The following GFUS variants were observed in gnomAD, a reference collection of about 807,000 sequenced individuals.
The protein encoded by GFUS is 3-5 epimerase/4-reductase.
Under a neutral mutation model 41.5 loss-of-function variants are expected in GFUS, and 42 were observed. That is an observed-to-expected ratio of 1.01 (90% CI 0.79 to 1.31). GFUS has a LOEUF of 1.31. Among genes scored for constraint, GFUS ranks in the 50% most tolerant of loss-of-function variants. The pLI is 0.00. For missense variants in GFUS, 437 were observed against 428.7 expected (o/e 1.02, Z -0.17); for synonymous variants, 188 against 173.4 (o/e 1.08, Z -0.66).
At chr8:143,615,039 C>T in intron 3 of GFUS, 124 bp from the exon 4 acceptor site, 2 of 1,424,036 alleles carry the variant, frequency 1.4e-6, no homozygotes, top group South Asian at 1.5e-5. Context: ...CCAAGCCTGC[C>T]CATCCTAACC....
chr8:143,615,911 G>T lies in GFUS; in HGVS notation c.261+195C>A, dbSNP rs537921119. On this transcript the variant is annotated intron_variant, in intron 3 of 10. Transcript: ENST00000425753. ...CAAGTGCCTCCAGGCCCCCTGCATG[G>T]CCCTCTGTCCACAGCACCAAGTGTG... is the stretch of plus-strand genomic sequence containing the variant. The T allele has an allele frequency of 3.0e-5, 15 of 497,194 alleles. No individual in the cohort carries two copies. The East Asian group carries it at 4.5e-4, about 15-fold the overall frequency. The allele number at this position is 497,194 out of a possible 1,614,324, so 30.8% of individuals were successfully genotyped here.
rs1214157528 is a variant in GFUS, at chr8:143,614,204, C to G, written c.623G>C (p.Trp208Ser). Reference protein sequence around the residue: ...AKSSGSALTVWGTGNPRRQFI... With the variant: ...AKSSGSALTVSGTGNPRRQFI... Reference sequence around the variant, plus strand: ...CTGCCTCCGCGGATTCCCTGTACCCCACACCGTCAGGGCCGAGCCGCTGCC... The same window carrying G: ...CTGCCTCCGCGGATTCCCTGTACCCGACACCGTCAGGGCCGAGCCGCTGCC... Residue 208 changes from tryptophan (W) to serine (S), a missense_variant, in exon 7 of 11, where the codon TGG (tryptophan) becomes TCG (serine). Transcript: ENST00000425753. 1.9e-6 allele frequency: 3 copies of G among 1,613,590 alleles called. No individual in the cohort carries two copies. Among genetic ancestry groups the G allele is most frequent in the Non-Finnish European group, 2.5e-6 (3 of 1,180,016 alleles).
At chr8:143,613,152 G>A (rs1173462059) in intron 10 of GFUS, 44 bp downstream of exon 10, 1 of 1,584,964 alleles carries the variant, frequency 6.3e-7, no homozygotes, top group East Asian at 2.2e-5. Context: ...GGAGGGGCTG[G>A]GGCAGGCCTC....
chr8:143,612,761 C>G lies in GFUS; in HGVS notation c.*149G>C. ...TGAGGACCAACGTGAATGGGGGCCCCACTGGAAAGATGCTTGGGGCTGCAG... is the reference window on the plus strand; with the variant it reads ...TGAGGACCAACGTGAATGGGGGCCCGACTGGAAAGATGCTTGGGGCTGCAG... On this transcript the variant is annotated 3_prime_UTR_variant, in exon 11 of 11. Coordinates refer to ENST00000425753, the MANE Select transcript of GFUS (RefSeq NM_003313.4). 1 of 1,037,548 alleles carries G rather than the reference C, an allele frequency of 9.6e-7. No individual in the cohort carries two copies. The highest frequency in any genetic ancestry group is 2.3e-5 in the Admixed American group (1 of 44,196). 64.3% of individuals were successfully genotyped at this position (1,037,548 alleles called of 1,614,324 possible).
At chr8:143,613,899 C>T (rs1829647296) in intron 7 of GFUS, 82 bp from the exon 8 acceptor site, 3 of 1,440,218 alleles carry the variant, frequency 2.1e-6, no homozygotes, top group Non-Finnish European at 2.9e-6. Flanking sequence ...GTCCATACTG[C>T]TGTCCTTGTT....
At chr8:143,613,874 C>A in intron 7 of GFUS, 57 bp from the exon 8 acceptor site, 2 of 1,531,874 alleles carry the variant, frequency 1.3e-6, no homozygotes, top group South Asian at 1.2e-5. Context: ...CTCTCCCAAA[C>A]GCCCCTGCTG....
At chr8:143,614,126 C>A in intron 7 of GFUS, 38 bp downstream of exon 7, 2 of 1,610,080 alleles carry the variant, frequency 1.2e-6, no homozygotes, top group Non-Finnish European at 1.7e-6. Context: ...CTCAATAGGG[C>A]AGGTTCTCTG....
chr8:143,613,995 C>A (rs946789910), intron 7 of GFUS, among the ~76,000 whole-genome samples, 169 bp downstream of exon 7: 1 of 152,194 alleles, frequency 6.6e-6, no homozygotes, highest in Non-Finnish European at 1.5e-5. Context: ...GAGACAGGAG[C>A]CTATGGGGCC....
At chr8:143,614,494 C>T (rs746739387) in intron 5 of GFUS, 41 bp from the exon 6 acceptor site, 210 of 1,584,370 alleles carry the variant, frequency 1.3e-4, no homozygotes, top group Admixed American at 1.9e-4. Flanking sequence ...CCTGGGCCCG[C>T]GATCCCACCC....
In GFUS at chr8:143,614,807, A is replaced by G. The variant is rs1385040581; in HGVS notation, c.370T>C (p.Tyr124His). ...CTCACCATGGTCTCATCTATCGGGT[A>G]GGTCGTCTTGTCAGGGAAGATACAG... ...STCIFPDKTT[Y>H]PIDETMIHNG... Residue 124 changes from tyrosine to histidine, a missense_variant, in exon 4 of 11, where the codon TAC becomes CAC. Physicochemically the swap from Tyr to His is moderately conservative, Grantham distance 83. Transcript: ENST00000425753. 1.2e-6 allele frequency: 2 copies of G among 1,613,616 alleles called. No individual in the cohort carries two copies. The highest frequency in any genetic ancestry group is 2.2e-5 in the East Asian group (1 of 44,868).
intron 3 of GFUS, among the ~76,000 whole-genome samples, chr8:143,615,366 G>A (rs1224619904): frequency 6.6e-6 from 1 of 152,158 alleles, no homozygotes; most frequent in Non-Finnish European, 1.5e-5. Flanking sequence ...TCCACCCCGC[G>A]GGCCCCACTT....
In GFUS at chr8:143,613,388, C is replaced by G. The variant is rs1829627762; in HGVS notation, c.811-93G>C. ...ACCTCTGCCATTCCCAGGGGAGCCA[C>G]AGCAGAGCTCCTCCGCCTGCCAGGG... is the stretch of plus-strand genomic sequence containing the variant. On this transcript the variant is annotated intron_variant, in intron 9 of 10. Transcript: ENST00000425753. 4 of 1,489,108 alleles carry G rather than the reference C, an allele frequency of 2.7e-6. No individual in the cohort carries two copies. In the Admixed American group the frequency reaches 7.0e-5, roughly 26 times the overall value. 92.2% of individuals were successfully genotyped at this position (1,489,108 alleles called of 1,614,324 possible).
intron 1 of GFUS, chr8:143,617,048 G>A (rs545049195): frequency 1.1e-4 from 37 of 350,754 alleles, no homozygotes; most frequent in South Asian, 8.1e-4. Flanking sequence ...TTGGGACGGG[G>A]GCTCCTGGCA....
In GFUS at chr8:143,616,558, C is replaced by T. The variant is rs1161580554; in HGVS notation, c.146+9G>A. 3.1e-6 allele frequency: 5 copies of T among 1,613,796 alleles called. No individual in the cohort carries two copies. In the Admixed American group the frequency reaches 8.3e-5, roughly 27 times the overall value. On this transcript the variant is annotated intron_variant, in intron 2 of 10. Coordinates refer to ENST00000425753, the MANE Select transcript of GFUS (RefSeq NM_003313.4). ...GAGGAAGGGCTGATCTGGGGATGGGCTCACTCACGTGAGATCGGCGTCTTT... is the reference window on the plus strand; with the variant it reads ...GAGGAAGGGCTGATCTGGGGATGGGTTCACTCACGTGAGATCGGCGTCTTT...
At chr8:143,617,070 C>T (rs1829746315) in intron 1 of GFUS, 3 of 300,610 alleles carry the variant, frequency 1.0e-5, no homozygotes, top group South Asian at 4.5e-5. Context: ...AGGTCGTTAA[C>T]ACGGTTCGCA....
rs2131411790 is a variant in GFUS, at chr8:143,613,530, T to C, written c.804A>G (p.Glu268=). ...AVVEAMDFHG[E]VTFDTTKSDG... ...CACTGGAGCCAGAGGATACGGTGAC[T>C]TCCCCATGGAAGTCCATGGCCTCCA... is the stretch of plus-strand genomic sequence containing the variant. The change falls in exon 9 of 11, where the codon GAA becomes GAG. Residue 268 remains glutamate, a synonymous_variant. Transcript: ENST00000425753. 1 of 1,610,814 alleles carries C rather than the reference T, an allele frequency of 6.2e-7. No homozygotes were observed. Among genetic ancestry groups the C allele is most frequent in the Non-Finnish European group, 8.5e-7 (1 of 1,179,788 alleles).
chr8:143,614,395 C>G lies in GFUS; in HGVS notation c.523G>C (p.Gly175Arg), dbSNP rs539092181. ...TCGATGTTGAAGTTGTCGTGGGGCC[C>G]GAAGACGTTGGTGGGGATGACAGCG... is the stretch of plus-strand genomic sequence containing the variant. ...FTAVIPTNVF[G>R]PHDNFNIEDG... Residue 175 changes from glycine (G) to arginine (R), a missense_variant, in exon 6 of 11, where the codon GGG (glycine) becomes CGG (arginine). Physicochemically the swap from Gly to Arg is moderately radical, Grantham distance 125 (BLOSUM62 -2). Coordinates refer to ENST00000425753, the MANE Select transcript of GFUS (RefSeq NM_003313.4). 6 of 1,613,798 alleles carry G rather than the reference C, an allele frequency of 3.7e-6. No homozygotes were observed. Among genetic ancestry groups the G allele is most frequent in the Non-Finnish European group, 5.1e-6 (6 of 1,179,990 alleles).
In GFUS at chr8:143,616,175, T is replaced by C. The variant is rs1158435071; in HGVS notation, c.192A>G (p.Thr64=). The stretch of plus-strand genomic sequence containing the variant: ...CCATTGCAGCAAGATGGATGACGTG[T>C]GTGGGTTGGACCTTCTCAAACAGGG... ...TRALFEKVQP[T]HVIHLAAMVG... is the part of the protein sequence containing the mutation. Residue 64 remains threonine (T), a synonymous_variant, in exon 3 of 11, where the codon ACA becomes ACG. Transcript: ENST00000425753. 6.2e-7 allele frequency: 1 copy of C among 1,613,628 alleles called. No individual in the cohort carries two copies. Among genetic ancestry groups the C allele is most frequent in the Non-Finnish European group, 8.5e-7 (1 of 1,179,850 alleles).
chr8:143,614,484 C>G (rs1283416257), intron 5 of GFUS, 31 bp from the exon 6 acceptor site: 5 of 1,591,026 alleles, frequency 3.1e-6, no homozygotes, highest in Non-Finnish European at 4.3e-6. Flanking sequence ...CTGCCCTCGT[C>G]CTGGGCCCGC....
Sources: allele counts gnomAD v4.1 joint callset (sites outside exome capture counted in the v4.1 genomes callset), GRCh38; gene constraint gnomAD v4.1.1; transcripts MANE v1.5; gene names NCBI Gene and HGNC (gene_info 2026-07-23, HGNC 2026-07-21).